Variants in NPIPB7 observed in about 807,000 individuals in gnomAD.
NPIPB7 encodes the protein nuclear pore complex-interacting protein family member B7.
For missense variants in NPIPB7, 14 were observed against 238.5 expected (o/e 0.06, Z 6.20); for synonymous variants, 9 against 88.1 (o/e 0.10, Z 5.03).
chr16:28,465,579 T>C (rs1015422524), intron 2 of NPIPB7, among the ~76,000 whole-genome samples: 3 of 138,964 alleles, frequency 2.2e-5, no homozygotes, highest in Non-Finnish European at 4.7e-5. Context: ...ATGTTAAATG[T>C]GCCTAGATAT....
upstream of NPIPB7, chr16:28,470,670 A>T (rs1357525082): frequency 1.4e-5 from 6 of 438,292 alleles, no homozygotes; most frequent in East Asian, 2.8e-4. Context: ...AAGTAAGGGA[A>T]GGGAAAGGAG....
upstream of NPIPB7, chr16:28,470,593 G>A (rs1377362913): frequency 5.8e-5 from 3 of 52,014 alleles, no homozygotes; most frequent in Admixed American, 2.9e-4. Flanking sequence ...GGAAGGGGAG[G>A]GGGAGGGGAA....
At chr16:28,472,329 C>T (rs921658889), upstream of NPIPB7, among the ~76,000 whole-genome samples, 2 of 151,452 alleles carry the variant, frequency 1.3e-5, no homozygotes, top group Admixed American at 6.6e-5. Context: ...TTCAAGGTTA[C>T]GGTGAGCTAT....
chr16:28,464,578 A>AC (rs2045893580), intron 2 of NPIPB7, among the ~76,000 whole-genome samples: 1 of 146,008 alleles, frequency 6.8e-6, no homozygotes, highest in South Asian at 2.4e-4. Flanking sequence ...GGCAACCTCC[A>AC]CCTCCCAGAT....
chr16:28,464,901 T>G (rs1331698764), intron 2 of NPIPB7, among the ~76,000 whole-genome samples: 1 of 147,574 alleles, frequency 6.8e-6, no homozygotes, highest in Non-Finnish European at 1.5e-5. Flanking sequence ...CAATGGGTAA[T>G]CTAAAAAGAT....
At chr16:28,468,732 A>G (rs75751490) in intron 1 of NPIPB7, among the ~76,000 whole-genome samples, 40 of 122,138 alleles carry the variant, frequency 3.3e-4, no homozygotes, top group Middle Eastern at 4.0e-3. Context: ...ACTTGAACCC[A>G]GGAGGCAGAG....
upstream of NPIPB7, among the ~76,000 whole-genome samples, chr16:28,472,176 G>A (rs1309603132): frequency 6.6e-6 from 1 of 152,222 alleles, no homozygotes; most frequent in Non-Finnish European, 1.5e-5. Context: ...ATCTCTGGAG[G>A]TCAAGGTGGG....
At chr16:28,462,089 C>T (rs1252921460) in intron 4 of NPIPB7, among the ~76,000 whole-genome samples, 1 of 148,586 alleles carries the variant, frequency 6.7e-6, no homozygotes, top group South Asian at 2.1e-4. Context: ...AGCACTCCAG[C>T]CTGGGCGACA....
At chr16:28,468,505 G>T (rs1405585862) in intron 1 of NPIPB7, among the ~76,000 whole-genome samples, 1 of 148,356 alleles carries the variant, frequency 6.7e-6, no homozygotes, top group African/African-American at 2.5e-5. Flanking sequence ...TCAAATTTTA[G>T]TGCTTAAAAA....
intron 1 of NPIPB7, chr16:28,469,953 C>T (rs1354891909): frequency 3.5e-6 from 1 of 281,982 alleles, no homozygotes; most frequent in East Asian, 1.1e-4. Flanking sequence ...GCCTGGGCGA[C>T]AGAGTGAGAC....
chr16:28,468,764 A>G (rs1263750636), intron 1 of NPIPB7, among the ~76,000 whole-genome samples: 1 of 114,604 alleles, frequency 8.7e-6, no homozygotes, highest in Non-Finnish European at 2.0e-5. Context: ...CCGAGATCGC[A>G]CCACTGCACT....
At chr16:28,470,619 A>G (rs1230749296), upstream of NPIPB7, 35 of 8,238 alleles carry the variant, frequency 4.2e-3, no homozygotes, top group East Asian at 0.029. Flanking sequence ...AGGGGAGGGG[A>G]AGGGGAGGGG....
At chr16:28,462,314 G>A (rs1406539301) in intron 4 of NPIPB7, among the ~76,000 whole-genome samples, 1 of 141,346 alleles carries the variant, frequency 7.1e-6, no homozygotes, top group African/African-American at 2.6e-5. Flanking sequence ...CAGCTACTTG[G>A]GAGGCTGAGG....
At chr16:28,468,542 C>T (rs865900275) in intron 1 of NPIPB7, among the ~76,000 whole-genome samples, 6,254 of 127,252 alleles carry the variant, frequency 0.049, no homozygotes, top group East Asian at 0.11. Context: ...GGTGTGGTGG[C>T]TCACGCCTGC....
chr16:28,460,224 ATATGGTGTCAT>A (rs1403250917), intron 4 of NPIPB7, among the ~76,000 whole-genome samples: 2 of 108,862 alleles, frequency 1.8e-5, no homozygotes, highest in African/African-American at 7.0e-5. Context: ...TCCTTCCAGA[ATATGGTGTCAT>A]TAACCCCGCA....
intron 2 of NPIPB7, among the ~76,000 whole-genome samples, chr16:28,463,594 T>A (rs1357051170): frequency 2.1e-5 from 3 of 144,826 alleles, no homozygotes; most frequent in Non-Finnish European, 3.0e-5. Context: ...GGCATGGTGG[T>A]GCATGCCTGT....
intron 1 of NPIPB7, among the ~76,000 whole-genome samples, chr16:28,469,325 A>G: frequency 1.5e-5 from 1 of 67,632 alleles, no homozygotes; most frequent in Non-Finnish European, 3.6e-5. Flanking sequence ...TTGGCTGGGC[A>G]CGGTGGTTCA....
At chr16:28,463,727 CA>C (rs1199745082) in intron 2 of NPIPB7, among the ~76,000 whole-genome samples, 153 of 15,104 alleles carry the variant, frequency 0.01, no homozygotes, top group African/African-American at 0.015. Flanking sequence ...AACTCTGTCT[CA>C]AAAAAAAAAA....
Position 28,456,970 on chromosome 16 carries a change from G to A in NPIPB7, c.699C>T (p.Tyr233=), listed in dbSNP as rs1309122619. 2.3e-5 allele frequency: 32 copies of A among 1,367,176 alleles called. 2 individuals are homozygous for A. In the Middle Eastern group the frequency reaches 1.2e-3, roughly 52 times the overall value. 84.7% of individuals were successfully genotyped at this position (1,367,176 alleles called of 1,614,324 possible). Residue 233 remains tyrosine (Y), a synonymous_variant, in exon 7 of 7, where the codon TAC becomes TAT. Transcript: ENST00000452313. ...TGTTTTTTAAAGTTTCAGCTGTGAG[G>A]TAGAGCCAGTAGGGCAATCCTGAAG... is the stretch of plus-strand genomic sequence containing the variant.
Sources: gnomAD v4.1 joint callset for allele counts (sites outside exome capture counted in the v4.1 genomes callset) on GRCh38, gnomAD v4.1.1 for gene constraint, MANE v1.5 for transcripts, NCBI Gene and HGNC (gene_info 2026-07-23, HGNC 2026-07-21) for gene names.